Variants in CCDC146 observed in about 807,000 individuals in gnomAD.
CCDC146 encodes coiled-coil domain containing 146.
In CCDC146, 92 loss-of-function variants were observed where a neutral mutation model predicts 119.3. The observed-to-expected ratio is 0.77, with a 90% CI of 0.65 to 0.92. CCDC146 has a LOEUF of 0.92. CCDC146 is among the 40% of genes least tolerant of loss of function. The pLI is 0.00. For synonymous variants in CCDC146, 372 were observed against 371.8 expected, an observed-to-expected ratio of 1.00 and a Z score of -0.01; for missense variants, 1,000 against 1,103.0, an observed-to-expected ratio of 0.91 and a Z score of 1.32.
chr7:77,196,975 T>C lies in CCDC146; in HGVS notation c.156+29151T>C, dbSNP rs775308310. The C allele has an allele frequency of 2.5e-6, 4 of 1,595,274 alleles. No individual in the cohort carries two copies. The East Asian group carries it at 6.7e-5, about 27-fold the overall frequency. Reference sequence around the variant, plus strand: ...AGTAGTCAGAGCAATCTTTATATATTAGATGTTGAACTGAAGGGGAAATAA... The same window carrying C: ...AGTAGTCAGAGCAATCTTTATATATCAGATGTTGAACTGAAGGGGAAATAA... On this transcript the variant is annotated intron_variant, in intron 2 of 18. Coordinates refer to ENST00000285871, the MANE Select transcript of CCDC146 (RefSeq NM_020879.3). The surrounding 1 kb of genome is among the most constrained non-coding windows in gnomAD (Gnocchi z 4.2).
At chr7:77,267,630 T>G (rs1793433100) in intron 9 of CCDC146, among the ~76,000 whole-genome samples, 1 of 152,142 alleles carries the variant, frequency 6.6e-6, no homozygotes, top group Non-Finnish European at 1.5e-5. Flanking sequence ...GGTATTCTCA[T>G]GTCATAATTT....
intron 2 of CCDC146, among the ~76,000 whole-genome samples, chr7:77,216,336 C>T (rs1792301660): frequency 6.6e-6 from 1 of 152,084 alleles, no homozygotes; most frequent in South Asian, 2.1e-4. Flanking sequence ...CCAACCTGGA[C>T]TACCTAAAGT....
intron 1 of CCDC146, among the ~76,000 whole-genome samples, chr7:77,125,766 T>C (rs1258528049): frequency 6.6e-6 from 1 of 152,144 alleles, no homozygotes; most frequent in African/African-American, 2.4e-5. Context: ...TTCTGAATTA[T>C]AAACTATTTA....
At chr7:77,210,747 AC>A (rs1368464155) in intron 2 of CCDC146, among the ~76,000 whole-genome samples, 2 of 152,220 alleles carry the variant, frequency 1.3e-5, no homozygotes, top group African/African-American at 4.8e-5. Flanking sequence ...TGTACAGGAA[AC>A]ATGGGTAGGG....
At chr7:77,288,519 A>C (rs1265947827) in intron 17 of CCDC146, among the ~76,000 whole-genome samples, 1 of 151,990 alleles carries the variant, frequency 6.6e-6, no homozygotes, top group Non-Finnish European at 1.5e-5. Context: ...TCCTCAGTCT[A>C]CCCCTACACA....
At chr7:77,194,681 G>A (rs1437584313) in intron 2 of CCDC146, 1 of 151,864 alleles carries the variant, frequency 6.6e-6, no homozygotes, top group African/African-American at 2.4e-5. Flanking sequence ...TTGAAAACTT[G>A]GTTAGTGTAT....
intron 2 of CCDC146, among the ~76,000 whole-genome samples, chr7:77,213,358 AC>A (rs1406649976): frequency 6.6e-6 from 1 of 152,092 alleles, no homozygotes; most frequent in Non-Finnish European, 1.5e-5. Flanking sequence ...CTCCCAAAAT[AC>A]TGGGATTACA....
intron 8 of CCDC146, among the ~76,000 whole-genome samples, chr7:77,260,552 C>T (rs1388041201): frequency 6.6e-6 from 1 of 152,076 alleles, no homozygotes; most frequent in Non-Finnish European, 1.5e-5. Flanking sequence ...ATGAATGATA[C>T]TTCTTAGGCC....
chr7:77,247,114 C>T (rs1792965548), intron 4 of CCDC146, among the ~76,000 whole-genome samples: 1 of 151,888 alleles, frequency 6.6e-6, no homozygotes, highest in African/African-American at 2.4e-5. Flanking sequence ...TAAAAATGAT[C>T]AACCATGTGT....
At chr7:77,243,053 T>G (rs2150491043) in intron 4 of CCDC146, among the ~76,000 whole-genome samples, 1 of 152,380 alleles carries the variant, frequency 6.6e-6, no homozygotes, top group African/African-American at 2.4e-5. Flanking sequence ...GTAAGTGCTC[T>G]TTCAGTTGAG....
chr7:77,182,507 C>T (rs1038370580), intron 2 of CCDC146, among the ~76,000 whole-genome samples: 2 of 152,126 alleles, frequency 1.3e-5, no homozygotes, highest in Non-Finnish European at 2.9e-5. Context: ...CGTGGTGGCT[C>T]AGGCTTGTAA....
chr7:77,244,760 C>T (rs1018003521), intron 4 of CCDC146, among the ~76,000 whole-genome samples: 2 of 152,018 alleles, frequency 1.3e-5, no homozygotes, highest in Non-Finnish European at 2.9e-5. Flanking sequence ...CATGACTGCA[C>T]ATGACACAGA....
At chr7:77,259,960 GT>G in intron 7 of CCDC146, 48 bp from the exon 8 acceptor site, 1 of 406,556 alleles carries the variant, frequency 2.5e-6, no homozygotes, top group Non-Finnish European at 4.2e-6. Context: ...GTGTGTGTGT[GT>G]GTGTGTGTGT....
chr7:77,149,775 A>G (rs1248189566), intron 1 of CCDC146, among the ~76,000 whole-genome samples: 1 of 136,914 alleles, frequency 7.3e-6, no homozygotes, highest in Non-Finnish European at 1.5e-5. Context: ...AAAGAAAAAG[A>G]AAAAAAAAAG....
rs780317837 is a variant in CCDC146 at position 77,237,022 on chromosome 7, G to T, written c.232G>T (p.Val78Leu). The change falls in exon 3 of 19, where the codon GTG becomes TTG. Residue 78 changes from valine to leucine, a missense_variant. By Grantham distance (32) the Val-to-Leu change is conservative. Coordinates refer to ENST00000285871, the MANE Select transcript of CCDC146 (RefSeq NM_020879.3). ...KAKYTLLHDA[V>L]MSTQESEVQL... ...CAAGTATACCTTGCTGCATGACGCCGTGATGAGGTATGCAATTTACCAATA... is the reference window on the plus strand; with the variant it reads ...CAAGTATACCTTGCTGCATGACGCCTTGATGAGGTATGCAATTTACCAATA... 3 of 1,613,400 alleles carry T rather than the reference G, an allele frequency of 1.9e-6. No individual in the cohort carries two copies. The highest frequency in any genetic ancestry group is 1.7e-5 in the Admixed American group (1 of 60,018).
intron 2 of CCDC146, among the ~76,000 whole-genome samples, chr7:77,207,969 A>G (rs2110322): frequency 0.45 from 67,711 of 152,052 alleles, 17,598 homozygotes; most frequent in African/African-American, 0.72. Context: ...TTATTGGACT[A>G]GGCTGTATAC....
chr7:77,241,285 C>A (rs1386706329), intron 3 of CCDC146, among the ~76,000 whole-genome samples: 2 of 94,432 alleles, frequency 2.1e-5, no homozygotes, highest in African/African-American at 5.5e-5. Context: ...TTTCGATCTC[C>A]TGACCTTGTG....
intron 15 of CCDC146, among the ~76,000 whole-genome samples, chr7:77,285,379 T>C (rs879223139): frequency 6.6e-6 from 1 of 152,210 alleles, no homozygotes; most frequent in Non-Finnish European, 1.5e-5. Flanking sequence ...CAATTCTATA[T>C]TAAGGACATT....
Position 77,133,603 on chromosome 7 carries a change from C to T in CCDC146, c.-12+10871C>T, listed in dbSNP as rs562609649. On this transcript the variant is annotated intron_variant, in intron 1 of 18. Coordinates refer to ENST00000285871, the MANE Select transcript of CCDC146 (RefSeq NM_020879.3). Reference sequence around the variant, plus strand: ...AGGTGATCCACTTGCCTCGGCCTCCCAAAGTTCTGGGATTACAGGTGTGAG... The same window carrying T: ...AGGTGATCCACTTGCCTCGGCCTCCTAAAGTTCTGGGATTACAGGTGTGAG... 5.1e-4 allele frequency among the ~76,000 whole-genome samples: 77 copies of T among 150,560 alleles called. 1 individual carries two copies. Among genetic ancestry groups the T allele is most frequent in the Admixed American group, 3.0e-3 (46 of 15,186 alleles).
Sources: gnomAD v4.1 joint callset for allele counts (sites outside exome capture counted in the v4.1 genomes callset) on GRCh38, gnomAD v4.1.1 for gene constraint, Gnocchi (gnomAD v3.1) non-coding constraint, MANE v1.5 for transcripts, NCBI Gene and HGNC (gene_info 2026-07-23, HGNC 2026-07-21) for gene names.